CNOT2: variants seen among roughly 807,000 people sequenced by gnomAD.
CNOT2 encodes CC chemokine receptor 4-negative regulator of transcription 2.
Under a neutral mutation model 72.1 loss-of-function variants are expected in CNOT2, and 7 were observed. The observed-to-expected ratio is 0.10, with a 90% confidence interval of 0.06 to 0.18. CNOT2 has a LOEUF of 0.18. Ranked by LOEUF, CNOT2 falls within the 10% of genes least tolerant of loss-of-function variation. The pLI, the probability that CNOT2 is intolerant of heterozygous loss-of-function variation, is 1.00. For synonymous variants in CNOT2, 196 were observed against 225.6 expected (o/e 0.87, Z 1.17); for missense variants, 345 against 660.3 (o/e 0.52, Z 5.23).
At chr12:70,304,424 A>G (rs1175809922) in intron 2 of CNOT2, among the ~76,000 whole-genome samples, 2 of 152,206 alleles carry the variant, frequency 1.3e-5, no homozygotes, top group African/African-American at 2.4e-5. Flanking sequence ...TCTAACAGCC[A>G]GGACCCTCAG....
intron 2 of CNOT2, among the ~76,000 whole-genome samples, chr12:70,309,448 A>G (rs1312821186): frequency 6.6e-6 from 1 of 152,160 alleles, no homozygotes; most frequent in Non-Finnish European, 1.5e-5. Flanking sequence ...CTTAAAATAT[A>G]TAAGAAATAT....
intron 2 of CNOT2, among the ~76,000 whole-genome samples, chr12:70,302,504 G>T (rs1874231998): frequency 6.6e-6 from 1 of 152,018 alleles, no homozygotes; most frequent in Non-Finnish European, 1.5e-5. Flanking sequence ...AGGTTGTTCA[G>T]TTTCCATGTA....
chr12:70,272,909 C>A (rs937630400), intron 1 of CNOT2, among the ~76,000 whole-genome samples: 1 of 152,168 alleles, frequency 6.6e-6, no homozygotes, highest in African/African-American at 2.4e-5. Context: ...CTATGGCCTA[C>A]CTGAATCTGT....
intron 2 of CNOT2, among the ~76,000 whole-genome samples, chr12:70,304,913 T>A (rs546306726): frequency 6.6e-6 from 1 of 152,194 alleles, no homozygotes; most frequent in African/African-American, 2.4e-5. Context: ...CCTTGCAGTT[T>A]GATCTCAGAC....
chr12:70,257,130 A>T (rs915808474), intron 1 of CNOT2, among the ~76,000 whole-genome samples: 1 of 152,160 alleles, frequency 6.6e-6, no homozygotes, highest in African/African-American at 2.4e-5. Flanking sequence ...TATAAGTACA[A>T]TCATTTCAAA....
At chr12:70,303,798 A>G (rs1874613404) in intron 2 of CNOT2, among the ~76,000 whole-genome samples, 1 of 152,194 alleles carries the variant, frequency 6.6e-6, no homozygotes, top group African/African-American at 2.4e-5. Flanking sequence ...CCTGGATAAT[A>G]TCCTCCAGAG....
intron 1 of CNOT2, among the ~76,000 whole-genome samples, chr12:70,247,058 C>T (rs772072878): frequency 4.7e-4 from 71 of 152,086 alleles, no homozygotes; most frequent in Non-Finnish European, 1.5e-4. Flanking sequence ...TTTCTGGGCA[C>T]TTCAGGGTTT....
At chr12:70,332,662 C>T (rs1880130731) in intron 6 of CNOT2, 105 bp from the exon 7 acceptor site, 6 of 1,338,338 alleles carry the variant, frequency 4.5e-6, no homozygotes, top group Non-Finnish European at 5.8e-6. Flanking sequence ...GGTTTTGAAA[C>T]ATATTGTTAT....
chr12:70,267,601 T>C (rs1024366714), intron 1 of CNOT2, among the ~76,000 whole-genome samples: 7 of 152,236 alleles, frequency 4.6e-5, no homozygotes, highest in African/African-American at 1.7e-4. Flanking sequence ...ACTGCACTTA[T>C]ATCACTTCAA....
chr12:70,342,402 A>T, intron 13 of CNOT2, 95 bp downstream of exon 13: 1 of 1,388,688 alleles, frequency 7.2e-7, no homozygotes, highest in Non-Finnish European at 1.0e-6. Flanking sequence ...TGAAATAATT[A>T]GTAATGGTCT....
chr12:70,304,008 G>T (rs1301401620), intron 2 of CNOT2, among the ~76,000 whole-genome samples: 1 of 152,088 alleles, frequency 6.6e-6, no homozygotes, highest in Non-Finnish European at 1.5e-5. Flanking sequence ...TGGCTACTGA[G>T]GCTTGTGCAT....
At chr12:70,257,346 A>G (rs1019215737) in intron 1 of CNOT2, among the ~76,000 whole-genome samples, 20 of 147,658 alleles carry the variant, frequency 1.4e-4, no homozygotes, top group African/African-American at 5.0e-4. Context: ...TCTTTCCCCA[A>G]CTACCCCCTT....
At chr12:70,349,392 C>A (rs893634132) in intron 15 of CNOT2, among the ~76,000 whole-genome samples, 1 of 152,112 alleles carries the variant, frequency 6.6e-6, no homozygotes, top group African/African-American at 2.4e-5. Flanking sequence ...AACCTCAATT[C>A]ACTGTAAGAA....
At chr12:70,300,054 C>A (rs1187878919) in intron 2 of CNOT2, among the ~76,000 whole-genome samples, 1 of 152,026 alleles carries the variant, frequency 6.6e-6, no homozygotes, top group Non-Finnish European at 1.5e-5. Context: ...TGTCCTTTGC[C>A]CACTTTTTGA....
chr12:70,351,081 C>G (rs985060964), intron 15 of CNOT2, among the ~76,000 whole-genome samples: 2 of 152,278 alleles, frequency 1.3e-5, no homozygotes, highest in East Asian at 3.9e-4. Flanking sequence ...GGAACTCTTT[C>G]TAGCCTTTGC....
intron 3 of CNOT2, among the ~76,000 whole-genome samples, chr12:70,314,663 A>C (rs1273237901): frequency 1.3e-5 from 2 of 152,174 alleles, no homozygotes; most frequent in Non-Finnish European, 2.9e-5. Context: ...TGAGTATTAC[A>C]CTATTTTTCA....
intron 2 of CNOT2, among the ~76,000 whole-genome samples, chr12:70,292,314 A>AATACAGTGTG (rs1872061248): frequency 6.6e-6 from 1 of 152,236 alleles, no homozygotes; most frequent in African/African-American, 2.4e-5. Context: ...TGTGTATGAT[A>AATACAGTGTG]TAACATCAAT....
chr12:70,274,918 A>G (rs1868504397), intron 1 of CNOT2, among the ~76,000 whole-genome samples: 1 of 151,158 alleles, frequency 6.6e-6, no homozygotes, highest in African/African-American at 2.4e-5. Context: ...TTATCCATTC[A>G]CCTATTAAAG....
chr12:70,293,050 TA>T (rs1872190047), intron 2 of CNOT2, among the ~76,000 whole-genome samples: 2 of 152,204 alleles, frequency 1.3e-5, no homozygotes, highest in African/African-American at 4.8e-5. Flanking sequence ...AATAAGCTTC[TA>T]TTTTTATTAG....
Sources: gnomAD v4.1 joint callset for allele counts (sites outside exome capture counted in the v4.1 genomes callset) on GRCh38, gnomAD v4.1.1 for gene constraint, MANE v1.5 for transcripts, NCBI Gene and HGNC (gene_info 2026-07-23, HGNC 2026-07-21) for gene names.